The following EPHA6 variants were observed in gnomAD, a reference collection of about 807,000 sequenced individuals.
EPHA6 encodes the protein EPH receptor A6, also known as ephrin type-A receptor 6.
Under a neutral mutation model 112.0 loss-of-function variants are expected in EPHA6, and 50 were observed. The observed-to-expected ratio is 0.45, with a 90% CI of 0.36 to 0.56. The LOEUF (loss-of-function observed/expected upper bound fraction) is 0.56, where lower values mean the gene tolerates loss of function less well. Among genes scored for constraint, EPHA6 ranks in the 20% least tolerant of loss-of-function variants. The pLI is 0.00. For missense variants in EPHA6, 1,280 were observed against 1,417.4 expected, an observed-to-expected ratio of 0.90 and a Z score of 1.56; for synonymous variants, 529 against 490.7, an observed-to-expected ratio of 1.08 and a Z score of -1.03.
chr3:97,331,269 A>G (rs1239544808), intron 5 of EPHA6, among the ~76,000 whole-genome samples: 1 of 152,206 alleles, frequency 6.6e-6, no homozygotes, highest in South Asian at 2.1e-4. Flanking sequence ...GGAAATTTAT[A>G]GCACTAAATG....
intron 3 of EPHA6, among the ~76,000 whole-genome samples, chr3:97,045,043 T>G (rs2045455170): frequency 6.6e-6 from 1 of 152,102 alleles, no homozygotes. Flanking sequence ...AATATGTAGT[T>G]ATTGATTTAT....
At chr3:97,549,773 T>A (rs1423727391) in intron 11 of EPHA6, among the ~76,000 whole-genome samples, 3 of 151,940 alleles carry the variant, frequency 2.0e-5, no homozygotes, top group Non-Finnish European at 4.4e-5. Flanking sequence ...ATCATGCTAC[T>A]GCACTCCAGC....
chr3:96,907,955 C>T lies in EPHA6; in HGVS notation c.450+41066C>T, dbSNP rs536110913. On this transcript the variant is annotated intron_variant, in intron 2 of 17. Transcript: ENST00000389672. ...TATCGTTAGCAATTTTGTTATTGTG[C>T]GAAGACCATGGAGTGTACTTACACA... Among the ~76,000 whole-genome samples, 102 of 151,920 alleles carry T rather than the reference C, an allele frequency of 6.7e-4. No homozygotes were observed. The Middle Eastern group carries it at 0.01, about 15-fold the overall frequency.
intron 2 of EPHA6, among the ~76,000 whole-genome samples, chr3:96,911,373 A>G (rs2039205102): frequency 1.3e-5 from 2 of 152,068 alleles, no homozygotes; most frequent in Admixed American, 1.3e-4. Context: ...TTAATGTAAG[A>G]ATACGGTTAT....
At chr3:96,893,805 A>T (rs559742409) in intron 2 of EPHA6, among the ~76,000 whole-genome samples, 1 of 152,312 alleles carries the variant, frequency 6.6e-6, no homozygotes, top group South Asian at 2.1e-4. Context: ...CAAAGGTTTG[A>T]CCTGTCTATG....
intron 5 of EPHA6, among the ~76,000 whole-genome samples, chr3:97,301,703 G>T (rs2108719455): frequency 6.6e-6 from 1 of 152,114 alleles, no homozygotes; most frequent in East Asian, 1.9e-4. Flanking sequence ...CTCAGGACAT[G>T]ACCAACAAAT....
intron 5 of EPHA6, among the ~76,000 whole-genome samples, chr3:97,271,021 G>A (rs2079859631): frequency 6.6e-6 from 1 of 152,152 alleles, no homozygotes; most frequent in African/African-American, 2.4e-5. Context: ...TCTCATATTT[G>A]GGAATCCAGG....
At chr3:96,924,342 C>T (rs1273123405) in intron 2 of EPHA6, among the ~76,000 whole-genome samples, 3 of 152,044 alleles carry the variant, frequency 2.0e-5, no homozygotes, top group African/African-American at 7.2e-5. Flanking sequence ...TTTTGTAGTT[C>T]TCCCTGAAGA....
intron 11 of EPHA6, among the ~76,000 whole-genome samples, chr3:97,550,101 C>T (rs768151737): frequency 1.4e-4 from 21 of 152,206 alleles, no homozygotes; most frequent in Non-Finnish European, 2.5e-4. Context: ...AAAGGACTTT[C>T]ATCTGTAGGA....
chr3:97,350,102 G>A (rs939188918), intron 5 of EPHA6, among the ~76,000 whole-genome samples: 4 of 151,974 alleles, frequency 2.6e-5, no homozygotes, highest in Admixed American at 6.6e-5. Context: ...ATTGGAGAAA[G>A]AGCTTTGTCT....
chr3:97,693,673 TG>T (rs2032825531), intron 14 of EPHA6, among the ~76,000 whole-genome samples: 1 of 152,014 alleles, frequency 6.6e-6, no homozygotes, highest in African/African-American at 2.4e-5. Flanking sequence ...CCGGGCATGG[TG>T]GCGGGCGCCT....
intron 14 of EPHA6, among the ~76,000 whole-genome samples, chr3:97,668,848 G>T (rs1425876294): frequency 2.2e-5 from 3 of 137,084 alleles, no homozygotes; most frequent in East Asian, 2.3e-4. Context: ...GGGAGGTAAA[G>T]GTTGCAGTGA....
At chr3:97,252,916 T>C (rs1284119069) in intron 5 of EPHA6, among the ~76,000 whole-genome samples, 1 of 152,190 alleles carries the variant, frequency 6.6e-6, no homozygotes, top group Non-Finnish European at 1.5e-5. Context: ...TCACTGTTTT[T>C]CAAATTTACC....
chr3:97,395,144 CAAGG>C (rs1559954907), intron 5 of EPHA6, among the ~76,000 whole-genome samples: 1 of 150,946 alleles, frequency 6.6e-6, no homozygotes, highest in African/African-American at 2.4e-5. Context: ...GAAAAAAAAA[CAAGG>C]AAGAACATAA....
intron 15 of EPHA6, among the ~76,000 whole-genome samples, chr3:97,732,839 T>C (rs1683463036): frequency 6.6e-6 from 1 of 152,068 alleles, no homozygotes; most frequent in Non-Finnish European, 1.5e-5. Flanking sequence ...CTGTCACTCT[T>C]GCTGTTATTG....
At chr3:97,157,468 A>G (rs1011907219) in intron 3 of EPHA6, among the ~76,000 whole-genome samples, 15 of 152,090 alleles carry the variant, frequency 9.9e-5, no homozygotes, top group African/African-American at 3.6e-4. Context: ...TTGTATTTCA[A>G]CCCCTAAATT....
chr3:97,135,620 C>T (rs2108338407), intron 3 of EPHA6, among the ~76,000 whole-genome samples: 1 of 151,926 alleles, frequency 6.6e-6, no homozygotes, highest in East Asian at 1.9e-4. Context: ...AATGCAGATT[C>T]TGATTTGCAA....
intron 13 of EPHA6, among the ~76,000 whole-genome samples, chr3:97,617,978 A>G (rs1458987615): frequency 6.6e-6 from 1 of 152,112 alleles, no homozygotes; most frequent in Non-Finnish European, 1.5e-5. Flanking sequence ...CAGCATATAC[A>G]TTTTTCTCGT....
At chr3:96,970,253 A>G (rs936871515) in intron 2 of EPHA6, among the ~76,000 whole-genome samples, 1 of 149,720 alleles carries the variant, frequency 6.7e-6, no homozygotes, top group African/African-American at 2.5e-5. Flanking sequence ...ACACACACAC[A>G]CACACACACA....
Sources: gnomAD v4.1 joint callset for allele counts (sites outside exome capture counted in the v4.1 genomes callset) on GRCh38, gnomAD v4.1.1 for gene constraint, MANE v1.5 for transcripts, NCBI Gene and HGNC (gene_info 2026-07-23, HGNC 2026-07-21) for gene names.